The following PTPRE variants were observed in gnomAD, a reference collection of about 807,000 sequenced individuals.
PTPRE encodes the protein protein tyrosine phosphatase receptor type E.
PTPRE carries 51 observed loss-of-function variants against 102.0 expected under a neutral mutation model. The observed-to-expected ratio is 0.50, with a 90% CI of 0.40 to 0.63. PTPRE has a LOEUF of 0.63. PTPRE is among the 30% of genes least tolerant of loss of function. The pLI, the probability that PTPRE is intolerant of heterozygous loss-of-function variation, is 0.00. For missense variants in PTPRE, 752 were observed against 915.1 expected (o/e 0.82, Z 2.30); for synonymous variants, 345 against 348.2 (o/e 0.99, Z 0.10).
chr10:128,023,095 A>C (rs1426840428), intron 2 of PTPRE, among the ~76,000 whole-genome samples: 1 of 152,208 alleles, frequency 6.6e-6, no homozygotes, highest in Non-Finnish European at 1.5e-5. Flanking sequence ...AGTAGAGTGA[A>C]CAAGATAGTT....
rs752555416 is a variant in PTPRE at position 128,077,654 on chromosome 10, G to A, written c.1763G>A (p.Arg588His). The A allele has an allele frequency of 3.9e-5, 63 of 1,613,456 alleles. No individual in the cohort carries two copies. The South Asian group carries it at 5.6e-4, about 14-fold the overall frequency. Reference protein sequence around the residue: ...ARQEEQVRVVRQFHFHGWPEI... With the variant: ...ARQEEQVRVVHQFHFHGWPEI... ...CAGGAGGAGCAGGTCCGAGTAGTGC[G>A]CCAGTTTCACTTCCACGGCTGGCCT... The change falls in exon 19 of 21, where the codon CGC becomes CAC. Residue 588 changes from arginine to histidine, a missense_variant. Around this residue, in one of 2 missense-constraint regions of PTPRE, gnomAD observed 636 missense variants for 824.4 expected, o/e 0.77. Transcript: ENST00000254667.
At chr10:127,974,111 C>A (rs923763726) in intron 1 of PTPRE, among the ~76,000 whole-genome samples, 1 of 152,222 alleles carries the variant, frequency 6.6e-6, no homozygotes, top group African/African-American at 2.4e-5. Context: ...GGCTTGCAGA[C>A]TTCTGCAGCC....
At chr10:128,022,713 G>C (rs866237159) in intron 2 of PTPRE, among the ~76,000 whole-genome samples, 3 of 152,256 alleles carry the variant, frequency 2.0e-5, no homozygotes, top group Non-Finnish European at 2.9e-5. Flanking sequence ...GCAGTGGATG[G>C]CCAGCCATCA....
intron 2 of PTPRE, among the ~76,000 whole-genome samples, chr10:128,039,668 G>T (rs1847505950): frequency 6.6e-6 from 1 of 151,938 alleles, no homozygotes; most frequent in African/African-American, 2.4e-5. Context: ...AGCAGCCGGG[G>T]AATGGATGTT....
intron 2 of PTPRE, among the ~76,000 whole-genome samples, chr10:128,025,744 A>G (rs1846245072): frequency 6.6e-6 from 1 of 152,076 alleles, no homozygotes; most frequent in African/African-American, 2.4e-5. Context: ...GTCGGGCTGG[A>G]CTTTGCCACC....
rs940087651 is a variant in PTPRE at position 128,019,706 on chromosome 10, G to A, written c.-7-21169G>A. The stretch of plus-strand genomic sequence containing the variant: ...CCTGAGCATCCACCATGTGCATTAA[G>A]GTTCTCCCCAGGCCTCTGTTGGGCG... On this transcript the variant is annotated intron_variant, in intron 2 of 20. Coordinates refer to ENST00000254667, the MANE Select transcript of PTPRE (RefSeq NM_006504.6). Among the ~76,000 whole-genome samples the A allele has an allele frequency of 2.6e-5, 4 of 152,180 alleles. No homozygotes were observed. In the East Asian group the frequency reaches 7.7e-4, roughly 29 times the overall value.
chr10:127,952,342 C>CCCCCCCCCTTTT (rs1849092588), intron 1 of PTPRE, among the ~76,000 whole-genome samples: 1 of 141,798 alleles, frequency 7.1e-6, no homozygotes, highest in African/African-American at 2.6e-5. Flanking sequence ...CCCGCCCCCC[C>CCCCCCCCCTTTT]TAGCCCTTAG....
chr10:128,069,540 C>T (rs984941479), intron 12 of PTPRE, 152 bp from the exon 13 acceptor site: 5 of 997,658 alleles, frequency 5.0e-6, no homozygotes, highest in Non-Finnish European at 7.4e-6. Context: ...ACCACAGCTC[C>T]CTCTGGTGGC....
At chr10:127,972,848 C>T (rs1355716148) in intron 1 of PTPRE, among the ~76,000 whole-genome samples, 2 of 152,210 alleles carry the variant, frequency 1.3e-5, no homozygotes, top group Non-Finnish European at 2.9e-5. Flanking sequence ...TGAGCAGACA[C>T]ACATCAGCCC....
At chr10:128,067,211 C>T (rs1028392318) in intron 11 of PTPRE, among the ~76,000 whole-genome samples, 4 of 151,424 alleles carry the variant, frequency 2.6e-5, no homozygotes, top group African/African-American at 7.3e-5. Context: ...TACACCCACA[C>T]ACATTCACAT....
chr10:127,918,986 T>C (rs942332253), intron 1 of PTPRE, among the ~76,000 whole-genome samples: 2 of 152,120 alleles, frequency 1.3e-5, no homozygotes, highest in Non-Finnish European at 2.9e-5. Context: ...CCAGGGTGCA[T>C]TTATGGACAA....
At position 127,999,765 on chromosome 10, in the gene PTPRE, G is replaced by T. The variant is rs533835616; in HGVS notation, c.-8+17469G>T. The stretch of plus-strand genomic sequence containing the variant: ...TGCTGGATCTTTGCTCTGGTTTCTG[G>T]TGACATAGTGTGAGTGCCGGCAGCC... On this transcript the variant is annotated intron_variant, in intron 2 of 20. Transcript: ENST00000254667. 1.6e-5 allele frequency: 16 copies of T among 985,382 alleles called. No individual in the cohort carries two copies. In the South Asian group the frequency reaches 6.6e-4, roughly 41 times the overall value. 61.0% of individuals were successfully genotyped at this position (985,382 alleles called of 1,614,324 possible). A position where few individuals can be genotyped will look rare whatever the true frequency, so the allele number is the denominator to read the frequency against.
At chr10:128,043,231 T>C (rs578216908) in intron 3 of PTPRE, among the ~76,000 whole-genome samples, 3 of 152,368 alleles carry the variant, frequency 2.0e-5, no homozygotes, top group Non-Finnish European at 2.9e-5. Flanking sequence ...GAAATAATTA[T>C]ACAACTCACC....
chr10:127,967,872 A>C (rs2135412657), intron 1 of PTPRE, among the ~76,000 whole-genome samples: 1 of 152,292 alleles, frequency 6.6e-6, no homozygotes, highest in Admixed American at 6.5e-5. Context: ...CCTGCTTTCG[A>C]ACTTTCTATA....
chr10:128,019,734 G>A (rs1845716352), intron 2 of PTPRE, among the ~76,000 whole-genome samples: 1 of 152,206 alleles, frequency 6.6e-6, no homozygotes, highest in South Asian at 2.1e-4. Flanking sequence ...GTTGGGCGGG[G>A]AGCTCAGCCT....
rs185488904 is a variant in PTPRE, at chr10:127,909,970, A to G, written c.-31+2661A>G. Among the ~76,000 whole-genome samples the G allele has an allele frequency of 1.4e-4, 21 of 152,310 alleles. No individual in the cohort carries two copies. The East Asian group carries it at 3.1e-3, about 22-fold the overall frequency. The stretch of plus-strand genomic sequence containing the variant: ...GCTGGCTTGGACCAGAGACACCCCA[A>G]GTGACCTCCCAGGGAGGCAGGCTTG... On this transcript the variant is annotated intron_variant, in intron 1 of 20. Coordinates refer to ENST00000254667, the MANE Select transcript of PTPRE (RefSeq NM_006504.6).
intron 20 of PTPRE, among the ~76,000 whole-genome samples, chr10:128,081,149 C>CA (rs10717725): frequency 3.9e-3 from 577 of 149,330 alleles, no homozygotes; most frequent in African/African-American, 0.012. Context: ...GAGATTTTGG[C>CA]AAAAAAAAAA....
chr10:127,985,092 G>A (rs1371047265), intron 2 of PTPRE, among the ~76,000 whole-genome samples: 1 of 152,222 alleles, frequency 6.6e-6, no homozygotes, highest in Non-Finnish European at 1.5e-5. Flanking sequence ...CCTTGGGCAG[G>A]GCGGCTAAGC....
chr10:128,047,920 G>A (rs575029426), intron 5 of PTPRE, 83 bp downstream of exon 5: 50 of 1,405,224 alleles, frequency 3.6e-5, no homozygotes, highest in East Asian at 1.2e-4. Context: ...TGCCTTTAAC[G>A]TTCAAAGTAA....
Sources: gnomAD v4.1 joint callset for allele counts (sites outside exome capture counted in the v4.1 genomes callset) on GRCh38, gnomAD v4.1.1 for gene constraint, gnomAD v4.1.1 regional missense constraint, MANE v1.5 for transcripts, NCBI Gene and HGNC (gene_info 2026-07-23, HGNC 2026-07-21) for gene names.